The following DOCK2 variants were observed in gnomAD, a reference collection of about 807,000 sequenced individuals.
DOCK2 encodes the protein dedicator of cytokinesis protein 2.
DOCK2 carries 87 observed loss-of-function variants against 248.9 expected under a neutral mutation model. That is an observed-to-expected ratio of 0.35 (90% CI 0.29 to 0.42). The LOEUF (loss-of-function observed/expected upper bound fraction) is 0.42. Ranked by LOEUF, DOCK2 falls within the 10% of genes least tolerant of loss-of-function variation. The pLI is 1.00. For synonymous variants in DOCK2, 805 were observed against 821.6 expected, an observed-to-expected ratio of 0.98 and a Z score of 0.35; for missense variants, 1,747 against 2,300.2, an observed-to-expected ratio of 0.76 and a Z score of 4.92.
intron 27 of DOCK2, among the ~76,000 whole-genome samples, chr5:169,846,645 C>G (rs1156808283): frequency 6.6e-6 from 1 of 151,288 alleles, no homozygotes; most frequent in African/African-American, 2.4e-5. Flanking sequence ...CATATATGTA[C>G]ATATATACAC....
intron 32 of DOCK2, among the ~76,000 whole-genome samples, chr5:170,015,247 G>A (rs1372972218): frequency 2.6e-5 from 4 of 152,186 alleles, no homozygotes; most frequent in African/African-American, 4.8e-5. Flanking sequence ...TTGCACTTAA[G>A]CTTCGACAAT....
At chr5:169,719,997 G>A (rs1288528181) in intron 22 of DOCK2, among the ~76,000 whole-genome samples, 7 of 151,924 alleles carry the variant, frequency 4.6e-5, no homozygotes, top group Admixed American at 4.6e-4. Flanking sequence ...ATTTGACAGT[G>A]CATCTGAAAC....
intron 25 of DOCK2, among the ~76,000 whole-genome samples, chr5:169,796,917 C>T (rs2113097661): frequency 6.6e-6 from 1 of 152,286 alleles, no homozygotes; most frequent in East Asian, 1.9e-4. Context: ...AGAGCTTGCT[C>T]ACAGATGGCC....
At chr5:169,951,113 C>T (rs949086543) in intron 27 of DOCK2, among the ~76,000 whole-genome samples, 1 of 152,192 alleles carries the variant, frequency 6.6e-6, no homozygotes, top group Non-Finnish European at 1.5e-5. Flanking sequence ...ACGGTCCCCA[C>T]CAACCCTTTC....
At chr5:169,864,460 C>CTG in intron 27 of DOCK2, 1 of 1,525,948 alleles carries the variant, frequency 6.6e-7, no homozygotes, top group Non-Finnish European at 8.8e-7. Context: ...ATACTCTACA[C>CTG]TGAAAAACAC....
rs1338778941 is a variant in DOCK2, at chr5:169,953,204, G to A, written c.2800-29864G>A. On this transcript the variant is annotated intron_variant, in intron 27 of 51. Transcript: ENST00000520908. ...TGGGTGTGGCTGGGTGTGGTGGTGGGTGCCTGTAATCCCAGCTACTCAGGA... is the reference window on the plus strand; with the variant it reads ...TGGGTGTGGCTGGGTGTGGTGGTGGATGCCTGTAATCCCAGCTACTCAGGA... Among the ~76,000 whole-genome samples the A allele has an allele frequency of 7.2e-5, 11 of 151,950 alleles. No homozygotes were observed. The East Asian group carries it at 2.1e-3, about 29-fold the overall frequency.
chr5:170,042,127 G>T lies in DOCK2; in HGVS notation c.3871G>T (p.Gly1291Ter). 6.2e-7 allele frequency: 1 copy of T among 1,610,894 alleles called. No homozygotes were observed. Among genetic ancestry groups the T allele is most frequent in the Non-Finnish European group, 8.5e-7 (1 of 1,178,304 alleles). Residue 1291 changes from glycine (G) to a stop codon, truncating the protein, a stop_gained, in exon 38 of 52, where the codon GGA (glycine) becomes TGA (stop). Coordinates refer to ENST00000520908, the MANE Select transcript of DOCK2 (RefSeq NM_004946.3). LOFTEE classifies it high-confidence loss of function. ...GACCATCATAGGCTACTTTGACAAAGGAAAGGTAATCTGTCCCTGCCCACC... is the reference window on the plus strand; with the variant it reads ...GACCATCATAGGCTACTTTGACAAATGAAAGGTAATCTGTCCCTGCCCACC... ...YETIIGYFDKGKMWEEAISLC... is the reference protein window; with the variant it reads ...YETIIGYFDK
At chr5:169,857,754 A>T (rs887890181) in intron 27 of DOCK2, among the ~76,000 whole-genome samples, 3 of 152,098 alleles carry the variant, frequency 2.0e-5, no homozygotes, top group Non-Finnish European at 4.4e-5. Flanking sequence ...AAAAGAAAAA[A>T]GAAAATCACA....
chr5:169,798,594 A>G (rs1766790023), intron 25 of DOCK2, among the ~76,000 whole-genome samples: 1 of 152,180 alleles, frequency 6.6e-6, no homozygotes, highest in Admixed American at 6.5e-5. Flanking sequence ...GCTCTGTTTT[A>G]TGACCACTCC....
chr5:169,926,468 T>C (rs1775463428), intron 27 of DOCK2, among the ~76,000 whole-genome samples: 1 of 152,208 alleles, frequency 6.6e-6, no homozygotes, highest in Admixed American at 6.5e-5. Context: ...TGCATTGATC[T>C]TCTGTGAGCT....
chr5:170,045,133 C>T (rs1216503834), intron 38 of DOCK2, among the ~76,000 whole-genome samples: 1 of 152,162 alleles, frequency 6.6e-6, no homozygotes, highest in East Asian at 1.9e-4. Flanking sequence ...ACCCCTTCCA[C>T]CTCTATGCTA....
At chr5:170,049,612 T>C (rs1756843109) in intron 40 of DOCK2, among the ~76,000 whole-genome samples, 1 of 152,214 alleles carries the variant, frequency 6.6e-6, no homozygotes, top group East Asian at 1.9e-4. Flanking sequence ...CTGAAAATTC[T>C]TCATTGTGGG....
intron 29 of DOCK2, among the ~76,000 whole-genome samples, chr5:169,986,504 C>T (rs966623278): frequency 3.3e-5 from 5 of 152,216 alleles, no homozygotes; most frequent in African/African-American, 1.2e-4. Context: ...CTTAGATGTC[C>T]TATGGCCCAA....
At chr5:170,062,721 A>C (rs1279160684) in intron 44 of DOCK2, among the ~76,000 whole-genome samples, 1 of 152,166 alleles carries the variant, frequency 6.6e-6, no homozygotes, top group Non-Finnish European at 1.5e-5. Context: ...CACAGGAAAA[A>C]ATCAGTGGTT....
In DOCK2 at chr5:170,030,039, G is replaced by C. The variant is rs190990239; in HGVS notation, c.3467+2091G>C. 1.2e-3 allele frequency among the ~76,000 whole-genome samples: 180 copies of C among 152,296 alleles called. 1 individual carries two copies. The highest frequency in any genetic ancestry group is 8.7e-3 in the South Asian group (42 of 4,824). On this transcript the variant is annotated intron_variant, in intron 34 of 51. Coordinates refer to ENST00000520908, the MANE Select transcript of DOCK2 (RefSeq NM_004946.3). ...GGATATGGAGACTGATGTATCTGGGGGGAATAAACAATATTCTGGCTGAGT... is the reference window on the plus strand; with the variant it reads ...GGATATGGAGACTGATGTATCTGGGCGGAATAAACAATATTCTGGCTGAGT...
At chr5:169,923,409 C>A (rs1416258272) in intron 27 of DOCK2, among the ~76,000 whole-genome samples, 2 of 152,126 alleles carry the variant, frequency 1.3e-5, no homozygotes, top group Non-Finnish European at 2.9e-5. Flanking sequence ...GGATTTCAGC[C>A]TTTATAGATG....
At chr5:170,034,601 G>A in intron 35 of DOCK2, 46 bp downstream of exon 35, 2 of 1,605,162 alleles carry the variant, frequency 1.2e-6, no homozygotes, top group Non-Finnish European at 1.7e-6. Flanking sequence ...CCCTGTGGGG[G>A]GGCTTGGGCT....
At chr5:170,032,627 G>A (rs1414433022) in intron 34 of DOCK2, among the ~76,000 whole-genome samples, 1 of 152,202 alleles carries the variant, frequency 6.6e-6, no homozygotes, top group Admixed American at 6.5e-5. Context: ...AGAAGTGACT[G>A]TCCCAGGAGG....
intron 27 of DOCK2, among the ~76,000 whole-genome samples, chr5:169,902,199 G>A (rs553021503): frequency 3.3e-5 from 5 of 152,328 alleles, no homozygotes; most frequent in South Asian, 4.1e-4. Context: ...TAGTCTAGTC[G>A]TGTTTAACTC....
Sources: gnomAD v4.1 joint callset for allele counts (sites outside exome capture counted in the v4.1 genomes callset) on GRCh38, gnomAD v4.1.1 for gene constraint, MANE v1.5 for transcripts, NCBI Gene and HGNC (gene_info 2026-07-23, HGNC 2026-07-21) for gene names.